NPAS3: variants seen among roughly 807,000 people sequenced by gnomAD.
The protein encoded by NPAS3 is neuronal PAS domain protein 3.
A neutral mutation model predicts 73.1 loss-of-function variants in NPAS3; 14 were observed. That is an observed-to-expected ratio of 0.19 (90% CI 0.13 to 0.30). The LOEUF (loss-of-function observed/expected upper bound fraction) is 0.30, where lower values mean the gene tolerates loss of function less well. NPAS3 is among the 10% of genes least tolerant of loss of function. NPAS3 has a pLI of 1.00. For synonymous variants in NPAS3, 620 were observed against 541.5 expected (o/e 1.14, Z -2.01); for missense variants, 1,096 against 1,250.0 (o/e 0.88, Z 1.86).
At chr14:33,371,613 T>G (rs145059718) in intron 4 of NPAS3, among the ~76,000 whole-genome samples, 6 of 152,202 alleles carry the variant, frequency 3.9e-5, no homozygotes, top group African/African-American at 1.4e-4. Flanking sequence ...TCATAATTTA[T>G]GTAACCATTT....
intron 1 of NPAS3, among the ~76,000 whole-genome samples, chr14:32,989,471 C>T (rs928206390): frequency 1.3e-5 from 2 of 151,934 alleles, no homozygotes; most frequent in South Asian, 2.1e-4. Context: ...GGTGAAACCC[C>T]GTCTCTACTA....
chr14:33,680,579 A>G (rs2140356663), intron 6 of NPAS3: 2 of 702,524 alleles, frequency 2.8e-6, no homozygotes, highest in East Asian at 5.4e-5. Flanking sequence ...TTTCTCTAAG[A>G]TAAAATTCCC....
At chr14:33,783,451 A>G (rs2063043032) in intron 9 of NPAS3, among the ~76,000 whole-genome samples, 1 of 152,158 alleles carries the variant, frequency 6.6e-6, no homozygotes, top group Admixed American at 6.5e-5. Context: ...AATAGCTACC[A>G]TGTCTGACTT....
intron 1 of NPAS3, among the ~76,000 whole-genome samples, chr14:32,955,102 G>A (rs2036622257): frequency 6.6e-6 from 1 of 152,044 alleles, no homozygotes; most frequent in South Asian, 2.1e-4. Context: ...TCACTTAAAA[G>A]GCTTGGTCAA....
intron 1 of NPAS3, among the ~76,000 whole-genome samples, chr14:33,011,520 C>G (rs2039194815): frequency 6.6e-6 from 1 of 151,612 alleles, no homozygotes; most frequent in Admixed American, 6.6e-5. Context: ...ATTGAAAACT[C>G]CACACAGACA....
chr14:33,601,389 G>A (rs375837235), intron 5 of NPAS3, among the ~76,000 whole-genome samples: 18 of 152,300 alleles, frequency 1.2e-4, no homozygotes, highest in Non-Finnish European at 2.4e-4. Flanking sequence ...TTCACTGTTC[G>A]TTTTCATGGC....
At chr14:33,591,001 CTT>C (rs2057044120) in intron 5 of NPAS3, among the ~76,000 whole-genome samples, 2 of 152,162 alleles carry the variant, frequency 1.3e-5, no homozygotes, top group Admixed American at 1.3e-4. Context: ...GAAGGAAAAA[CTT>C]GGGCAGAACT....
At chr14:33,670,238 A>C (rs148450723) in intron 5 of NPAS3, among the ~76,000 whole-genome samples, 144 of 152,344 alleles carry the variant, frequency 9.5e-4, no homozygotes, top group Non-Finnish European at 1.6e-3. Context: ...CTCTGTTAAC[A>C]TATCTGTAAA....
Position 32,992,375 on chromosome 14 carries a change from T to C in NPAS3, c.50+53009T>C, listed in dbSNP as rs115195686. On this transcript the variant is annotated intron_variant, in intron 1 of 11. Transcript: ENST00000356141. ...TTTGCCTATTTCTGTTCCGATATGT[T>C]CTAGTTATGGTAGAAATTTCATAGG... Among the ~76,000 whole-genome samples, 1,305 of 152,306 alleles carry C rather than the reference T, an allele frequency of 8.6e-3. 19 individuals are homozygous for C. The highest frequency in any genetic ancestry group is 0.03 in the African/African-American group (1,248 of 41,564).
At chr14:33,421,337 G>A (rs1364398592) in intron 4 of NPAS3, among the ~76,000 whole-genome samples, 1 of 151,838 alleles carries the variant, frequency 6.6e-6, no homozygotes, top group African/African-American at 2.4e-5. Context: ...ATATCCTTAA[G>A]AGCTATTTTT....
At chr14:33,073,061 G>A (rs567074387) in intron 2 of NPAS3, among the ~76,000 whole-genome samples, 1 of 152,228 alleles carries the variant, frequency 6.6e-6, no homozygotes, top group South Asian at 2.1e-4. Flanking sequence ...ATCACTGCTG[G>A]GTTTTAATAT....
intron 3 of NPAS3, among the ~76,000 whole-genome samples, chr14:33,305,409 A>G (rs1034048333): frequency 4.6e-5 from 7 of 152,086 alleles, no homozygotes; most frequent in African/African-American, 1.7e-4. Flanking sequence ...TTTCATCTAG[A>G]TAGGACATTC....
intron 5 of NPAS3, among the ~76,000 whole-genome samples, chr14:33,668,363 G>T (rs1412007817): frequency 1.3e-5 from 2 of 152,116 alleles, no homozygotes; most frequent in African/African-American, 4.8e-5. Context: ...ATGTGTAATT[G>T]TTATATGGGT....
intron 2 of NPAS3, among the ~76,000 whole-genome samples, chr14:33,125,675 C>T (rs1357545707): frequency 6.6e-6 from 1 of 152,018 alleles, no homozygotes; most frequent in Non-Finnish European, 1.5e-5. Context: ...CTTCCTGTTT[C>T]ATATATGAAA....
intron 4 of NPAS3, among the ~76,000 whole-genome samples, chr14:33,493,304 G>C (rs1472005814): frequency 6.7e-6 from 1 of 149,158 alleles, no homozygotes; most frequent in African/African-American, 2.5e-5. Context: ...TTATGGTAAA[G>C]TTCTGTTTGC....
At chr14:33,525,142 A>T (rs553329469) in intron 4 of NPAS3, among the ~76,000 whole-genome samples, 11 of 152,276 alleles carry the variant, frequency 7.2e-5, no homozygotes, top group Admixed American at 7.2e-4. Flanking sequence ...AAATGTTCTA[A>T]AAAAGGGGAT....
chr14:32,995,142 G>A (rs372757048), intron 1 of NPAS3, among the ~76,000 whole-genome samples: 21 of 152,288 alleles, frequency 1.4e-4, no homozygotes, highest in Admixed American at 3.3e-4. Context: ...ACCCTCATCC[G>A]TTGACCAGAA....
At chr14:33,150,533 GT>G (rs1207016403) in intron 2 of NPAS3, among the ~76,000 whole-genome samples, 1 of 152,162 alleles carries the variant, frequency 6.6e-6, no homozygotes, top group African/African-American at 2.4e-5. Flanking sequence ...GCTCCAAATA[GT>G]TTCCTTTGCA....
At chr14:33,279,920 A>G (rs974595821) in intron 3 of NPAS3, among the ~76,000 whole-genome samples, 26 of 152,202 alleles carry the variant, frequency 1.7e-4, no homozygotes, top group African/African-American at 6.3e-4. Context: ...AGGAACCCAA[A>G]TTGAAATGCC....
Sources: gnomAD v4.1 joint callset for allele counts (sites outside exome capture counted in the v4.1 genomes callset) on GRCh38, gnomAD v4.1.1 for gene constraint, MANE v1.5 for transcripts, NCBI Gene and HGNC (gene_info 2026-07-23, HGNC 2026-07-21) for gene names.